Variants in SAMMSON observed in about 807,000 individuals in gnomAD.
SAMMSON encodes long intergenic non-protein coding RNA 1212.
intron 7 of SAMMSON, among the ~76,000 whole-genome samples, chr3:70,304,465 C>A (rs988409038): frequency 3.9e-5 from 6 of 152,156 alleles, no homozygotes; most frequent in Admixed American, 1.3e-4. Flanking sequence ...CTACCCAGAT[C>A]TTTGGCTCCT....
chr3:70,157,631 C>T (rs1028152985), intron 4 of SAMMSON, among the ~76,000 whole-genome samples: 27 of 152,080 alleles, frequency 1.8e-4, no homozygotes, highest in African/African-American at 5.5e-4. Flanking sequence ...AATCGTTTAA[C>T]AAAAATGGCT....
At chr3:70,143,298 T>TA (rs34950693) in intron 4 of SAMMSON, among the ~76,000 whole-genome samples, 3,314 of 141,936 alleles carry the variant, frequency 0.023, 49 homozygotes, top group Middle Eastern at 0.03. Context: ...TGAATTTTAG[T>TA]AAAAAAAAAA....
At chr3:70,016,034 G>A (rs144566018) in intron 3 of SAMMSON, among the ~76,000 whole-genome samples, 2,130 of 152,252 alleles carry the variant, frequency 0.014, 49 homozygotes, top group African/African-American at 0.048. Flanking sequence ...ACATGTGCTT[G>A]TGCCTTTATA....
intron 4 of SAMMSON, among the ~76,000 whole-genome samples, chr3:70,085,569 C>T (rs1197922812): frequency 6.6e-6 from 1 of 152,130 alleles, no homozygotes; most frequent in Middle Eastern, 3.2e-3. Flanking sequence ...ATTAAATTCA[C>T]TTTTGGGGAC....
intron 4 of SAMMSON, among the ~76,000 whole-genome samples, chr3:70,138,624 A>G (rs1378851617): frequency 6.6e-6 from 1 of 152,212 alleles, no homozygotes; most frequent in African/African-American, 2.4e-5. Flanking sequence ...TCCCCAAATC[A>G]TGTCTTTCTC....
At chr3:70,051,798 T>C (rs2067147458) in intron 3 of SAMMSON, among the ~76,000 whole-genome samples, 1 of 152,086 alleles carries the variant, frequency 6.6e-6, no homozygotes, top group African/African-American at 2.4e-5. Flanking sequence ...TAATATTTAA[T>C]TTTATTAAAG....
chr3:70,340,399 A>AT (rs61631789), intron 7 of SAMMSON, among the ~76,000 whole-genome samples: 74,758 of 151,000 alleles, frequency 0.5, 18,822 homozygotes, highest in Non-Finnish European at 0.52. Flanking sequence ...TATATATATA[A>AT]AAAAAGCAGG....
intron 7 of SAMMSON, among the ~76,000 whole-genome samples, chr3:70,333,747 ATG>A (rs1702642219): frequency 6.6e-6 from 1 of 152,144 alleles, no homozygotes; most frequent in Non-Finnish European, 1.5e-5. Context: ...TGCCTTTATC[ATG>A]TCTTAGTCCT....
chr3:70,076,861 C>T (rs2067249868), intron 4 of SAMMSON, among the ~76,000 whole-genome samples: 1 of 152,120 alleles, frequency 6.6e-6, no homozygotes, highest in East Asian at 1.9e-4. Flanking sequence ...AATGTAATTT[C>T]TCGTTAGACA....
intron 4 of SAMMSON, among the ~76,000 whole-genome samples, chr3:70,213,526 G>A (rs1252605690): frequency 1.3e-5 from 2 of 152,006 alleles, no homozygotes; most frequent in Non-Finnish European, 2.9e-5. Flanking sequence ...GTAGTTATCC[G>A]TGGCTGAAAT....
intron 4 of SAMMSON, among the ~76,000 whole-genome samples, chr3:70,232,655 C>T (rs574555195): frequency 1.6e-3 from 248 of 152,146 alleles, no homozygotes; most frequent in Non-Finnish European, 3.0e-3. Context: ...GCCTCAGCCT[C>T]CCAAAGTGCT....
In SAMMSON at chr3:70,230,724, T is replaced by G. The variant is rs375127282; in HGVS notation, n.508-18383T>G. 6.6e-5 allele frequency among the ~76,000 whole-genome samples: 10 copies of G among 152,344 alleles called. No individual in the cohort carries two copies. In the East Asian group the frequency reaches 1.9e-3, roughly 29 times the overall value. On this transcript the variant is annotated intron_variant and non_coding_transcript_variant, in intron 4 of 9. Coordinates refer to ENST00000642114, the Ensembl canonical transcript of SAMMSON. Reference sequence around the variant, plus strand: ...ATTCCTCTGTAAGTGGTGGTTTGTCTGTGGAAGAATTCATCCCATGCCTTC... The same window carrying G: ...ATTCCTCTGTAAGTGGTGGTTTGTCGGTGGAAGAATTCATCCCATGCCTTC...
At chr3:70,051,134 C>CAAAAA (rs71126477) in intron 3 of SAMMSON, among the ~76,000 whole-genome samples, 12 of 45,232 alleles carry the variant, frequency 2.7e-4, no homozygotes, top group Admixed American at 3.7e-4. Context: ...TACTCCATCT[C>CAAAAA]AAAAAAAAAA....
intron 4 of SAMMSON, among the ~76,000 whole-genome samples, chr3:70,224,084 T>G (rs1352283749): frequency 6.6e-6 from 1 of 152,118 alleles, no homozygotes; most frequent in African/African-American, 2.4e-5. Flanking sequence ...AAACACCAGG[T>G]TAGTGTAAAA....
At chr3:70,287,311 A>G (rs909634850) in intron 6 of SAMMSON, among the ~76,000 whole-genome samples, 5 of 145,300 alleles carry the variant, frequency 3.4e-5, no homozygotes, top group African/African-American at 1.3e-4. Context: ...ATCTATTGAG[A>G]TAATCATGTG....
chr3:70,308,804 G>A (rs1702428891), intron 7 of SAMMSON, among the ~76,000 whole-genome samples: 1 of 152,136 alleles, frequency 6.6e-6, no homozygotes, highest in Non-Finnish European at 1.5e-5. Context: ...ACTCAGAATG[G>A]TGATGATGGT....
At chr3:70,240,306 T>G (rs957227839) in intron 4 of SAMMSON, among the ~76,000 whole-genome samples, 1 of 151,964 alleles carries the variant, frequency 6.6e-6, no homozygotes. Context: ...AAACAGTAGC[T>G]AAGCCAGAAA....
intron 4 of SAMMSON, chr3:70,084,915 A>C (rs1455539808): frequency 6.6e-6 from 1 of 152,200 alleles, no homozygotes; most frequent in Non-Finnish European, 1.5e-5. Context: ...AAAGTAATGG[A>C]CTGCAAGCTT....
chr3:70,171,648 A>G (rs1043121210), intron 4 of SAMMSON, among the ~76,000 whole-genome samples: 2 of 151,942 alleles, frequency 1.3e-5, no homozygotes, highest in Admixed American at 6.6e-5. Context: ...GTTTTTACTC[A>G]AATATGAATT....
Sources: allele counts gnomAD v4.1 joint callset (sites outside exome capture counted in the v4.1 genomes callset), GRCh38; gene constraint gnomAD v4.1.1; transcripts MANE v1.5; gene names NCBI Gene and HGNC (gene_info 2026-07-23, HGNC 2026-07-21).